SHARPIN: variants seen among roughly 807,000 people sequenced by gnomAD.
SHARPIN encodes SHANK associated RH domain interactor, also known as hSIPL1.
A neutral mutation model predicts 40.3 loss-of-function variants in SHARPIN; 25 were observed. That is an observed-to-expected ratio of 0.62 (90% CI 0.45 to 0.87). The LOEUF is 0.87. SHARPIN is among the 40% of genes least tolerant of loss of function. SHARPIN has a pLI of 0.00. For synonymous variants in SHARPIN, 274 were observed against 221.8 expected (o/e 1.24, Z -2.09); for missense variants, 551 against 516.1 (o/e 1.07, Z -0.66).
Position 144,099,429 on chromosome 8 carries a change from A to C in SHARPIN, c.770T>G (p.Val257Gly). The C allele has an allele frequency of 1.2e-6, 2 of 1,610,714 alleles. No homozygotes were observed. The highest frequency in any genetic ancestry group is 1.7e-6 in the Non-Finnish European group (2 of 1,178,192). ...HCTVAALQEQVFSELGFPPAV... is the reference protein window; with the variant it reads ...HCTVAALQEQGFSELGFPPAV... ...TGGCGGGAAACCGAGCTCTGAGAAC[A>C]CCTGTGGCCAGAGCATCAGGGCAGG... Residue 257 changes from valine to glycine, a missense_variant and splice_region_variant, in exon 6 of 9, where the codon GTG (valine) becomes GGG (glycine). By Grantham distance (109) the Val-to-Gly change is moderately radical (BLOSUM62 -3). Transcript: ENST00000398712.
chr8:144,102,982 C>T lies in SHARPIN; in HGVS notation c.376+69G>A, dbSNP rs572645076. The T allele has an allele frequency of 6.5e-5, 104 of 1,591,518 alleles. 2 individuals carry two copies. In the South Asian group the frequency reaches 1.1e-3, roughly 17 times the overall value. On this transcript the variant is annotated intron_variant, in intron 2 of 8. Coordinates refer to ENST00000398712, the MANE Select transcript of SHARPIN (RefSeq NM_030974.4). ...CCAGCAGTGGGGAAGGTGGATCCAA[C>T]TTCCCCAACCAGGACTGGGGGGCCA... is the stretch of plus-strand genomic sequence containing the variant.
intron 2 of SHARPIN, among the ~76,000 whole-genome samples, chr8:144,102,275 C>CTTTTT (rs11433813): frequency 7.3e-6 from 1 of 136,694 alleles, no homozygotes; most frequent in African/African-American, 2.7e-5. Context: ...ATTCCATCTT[C>CTTTTT]TTTTTTTTTT....
At chr8:144,101,138 G>A (rs1836279110) in intron 2 of SHARPIN, among the ~76,000 whole-genome samples, 1 of 151,962 alleles carries the variant, frequency 6.6e-6, no homozygotes, top group Admixed American at 6.6e-5. Flanking sequence ...CCCGGCCCCT[G>A]CCACCGTTTT....
intron 2 of SHARPIN, among the ~76,000 whole-genome samples, chr8:144,101,671 C>T (rs73381305): frequency 0.038 from 5,752 of 151,026 alleles, 351 homozygotes; most frequent in African/African-American, 0.13. Flanking sequence ...CCACATCGGC[C>T]TCCCAAAGTG....
intron 2 of SHARPIN, among the ~76,000 whole-genome samples, chr8:144,102,429 A>C: frequency 6.6e-6 from 1 of 152,150 alleles, no homozygotes; most frequent in South Asian, 2.1e-4. Context: ...ACACGCCACC[A>C]CGCCTGGCTA....
chr8:144,101,429 G>A (rs1288700094), intron 2 of SHARPIN, among the ~76,000 whole-genome samples: 1 of 124,350 alleles, frequency 8.0e-6, no homozygotes, highest in Non-Finnish European at 1.7e-5. Context: ...TTTTTTGTGA[G>A]ATGGAGTCTC....
intron 1 of SHARPIN, 144 bp downstream of exon 1, chr8:144,103,409 C>A: frequency 9.3e-7 from 1 of 1,074,330 alleles, no homozygotes; most frequent in East Asian, 2.6e-5. Flanking sequence ...CCGAGCGTCA[C>A]CCCCATTTCA....
At chr8:144,101,679 G>A (rs1836291004) in intron 2 of SHARPIN, among the ~76,000 whole-genome samples, 2 of 149,138 alleles carry the variant, frequency 1.3e-5, no homozygotes, top group Non-Finnish European at 3.0e-5. Context: ...GCCTCCCAAA[G>A]TGCTGTGATT....
In SHARPIN at chr8:144,103,720, C is replaced by G; in HGVS notation, c.34G>C (p.Ala12Pro). The G allele has an allele frequency of 1.4e-6, 2 of 1,391,636 alleles. No individual in the cohort carries two copies. Among genetic ancestry groups the G allele is most frequent in the South Asian group, 1.6e-5 (1 of 64,020 alleles). The allele number at this position is 1,391,636 out of a possible 1,614,324, so 86.2% of individuals were successfully genotyped here. ...APPAGGAAAAASDLGSAAVLL... is the reference protein window; with the variant it reads ...APPAGGAAAAPSDLGSAAVLL... ...ACTGCGGCGGAGCCCAAGTCCGAGG[C>G]CGCCGCCGCCGCCCCGCCCGCTGGC... Residue 12 changes from alanine to proline, a missense_variant, in exon 1 of 9, where the codon GCC (alanine) becomes CCC (proline). By Grantham distance (27) the Ala-to-Pro change is conservative. Coordinates refer to ENST00000398712, the MANE Select transcript of SHARPIN (RefSeq NM_030974.4).
chr8:144,103,712 G>C lies in SHARPIN; in HGVS notation c.42C>G (p.Asp14Glu). 2 of 1,414,444 alleles carry C rather than the reference G, an allele frequency of 1.4e-6. No individual in the cohort carries two copies. Among genetic ancestry groups the C allele is most frequent in the Non-Finnish European group, 1.8e-6 (2 of 1,090,714 alleles). 87.6% of individuals were successfully genotyped at this position (1,414,444 alleles called of 1,614,324 possible). Residue 14 changes from aspartate to glutamate, a missense_variant, in exon 1 of 9, where the codon GAC becomes GAG. Transcript: ENST00000398712. ...CCAAGAGCACTGCGGCGGAGCCCAA[G>C]TCCGAGGCCGCCGCCGCCGCCCCGC... ...PAGGAAAAAS[D>E]LGSAAVLLAV...
intron 2 of SHARPIN, among the ~76,000 whole-genome samples, chr8:144,101,204 TC>T (rs1270694225): frequency 6.6e-6 from 1 of 151,866 alleles, no homozygotes; most frequent in Non-Finnish European, 1.5e-5. Flanking sequence ...TAACAGACTT[TC>T]TTTTTTAAAA....
chr8:144,099,114 C>G lies in SHARPIN; in HGVS notation c.1014G>C (p.Gln338His). ...PPSLGLPPGP[Q>H]PAASSLPSPL... ...GACTGGGCAGGCTGGAGGCAGCTGG[C>G]TGGGGGCCTGGGGGTAGCCCCAATG... Residue 338 changes from glutamine (Q) to histidine (H), a missense_variant, in exon 7 of 9, where the codon CAG becomes CAC. Transcript: ENST00000398712. 1 of 1,583,656 alleles carries G rather than the reference C, an allele frequency of 6.3e-7. No homozygotes were observed. Among genetic ancestry groups the G allele is most frequent in the East Asian group, 2.2e-5 (1 of 44,580 alleles).
In SHARPIN at chr8:144,099,979, G is replaced by A. The variant is rs767534363; in HGVS notation, c.467C>T (p.Pro156Leu). The A allele has an allele frequency of 2.5e-6, 4 of 1,612,964 alleles. No homozygotes were observed. The highest frequency in any genetic ancestry group is 2.7e-5 in the African/African-American group (2 of 74,948). The change falls in exon 3 of 9, where the codon CCT becomes CTT. Residue 156 changes from proline to leucine, a missense_variant. Transcript: ENST00000398712. The stretch of plus-strand genomic sequence containing the variant: ...CCTAGGAAGATCTGCCTCAGGTGGA[G>A]GGCCCTTGAGTGTGGAGGCTTCCGG... ...SPPEASTLKG[P>L]PPEADLPRSP...
rs1315962784 is a variant in SHARPIN, at chr8:144,100,040, C to G, written c.406G>C (p.Gly136Arg). The change falls in exon 3 of 9, where the codon GGC becomes CGC. Residue 136 changes from glycine (G) to arginine (R), a missense_variant. Physicochemically the swap from Gly to Arg is moderately radical, Grantham distance 125 (BLOSUM62 -2). Transcript: ENST00000398712. ...AGGGAGACAGGGCATGCTTCTGGGCCCAAGGCTGGTGGTGAGTTGCTCTTG... is the reference window on the plus strand; with the variant it reads ...AGGGAGACAGGGCATGCTTCTGGGCGCAAGGCTGGTGGTGAGTTGCTCTTG... ...GSKSNSPPALGPEACPVSLPS... is the reference protein window; with the variant it reads ...GSKSNSPPALRPEACPVSLPS... 6.3e-7 allele frequency: 1 copy of G among 1,588,008 alleles called. No individual in the cohort carries two copies. The highest frequency in any genetic ancestry group is 1.3e-5 in the African/African-American group (1 of 74,102).
chr8:144,099,671 G>A (rs757437489), intron 4 of SHARPIN, 32 bp downstream of exon 4: 35 of 1,612,944 alleles, frequency 2.2e-5, no homozygotes, highest in South Asian at 8.8e-5. Flanking sequence ...ATGGTCACGA[G>A]GACAAGGTGA....
At chr8:144,099,893 T>TGGCCCCACCCCCCCCCCCCCCCCCCCCC in intron 3 of SHARPIN, 36 bp downstream of exon 3, 1 of 1,551,006 alleles carries the variant, frequency 6.4e-7, no homozygotes, top group Non-Finnish European at 8.8e-7. Context: ...CTATCTGCTA[T>TGGCCCCACCCCCCCCCCCCCCCCCCCCC]CCCCGAACCC....
rs1380542340 is a variant in SHARPIN, at chr8:144,099,556, G to A, written c.722C>T (p.Ala241Val). The A allele has an allele frequency of 1.2e-6, 2 of 1,614,078 alleles. No individual in the cohort carries two copies. Among genetic ancestry groups the A allele is most frequent in the Non-Finnish European group, 8.5e-7 (1 of 1,180,008 alleles). ...AASAASSAHVALQVHPHCTVA... is the reference protein window; with the variant it reads ...AASAASSAHVVLQVHPHCTVA... ...AGTGCAGTGGGGGTGGACCTGCAGGGCAACGTGTGCAGAGGACGCGGCGGA... is the reference window on the plus strand; with the variant it reads ...AGTGCAGTGGGGGTGGACCTGCAGGACAACGTGTGCAGAGGACGCGGCGGA... The change falls in exon 5 of 9, where the codon GCC (alanine) becomes GTC (valine). Residue 241 changes from alanine (A) to valine (V), a missense_variant. By Grantham distance (64) the Ala-to-Val change is moderately conservative (BLOSUM62 0). Coordinates refer to ENST00000398712, the MANE Select transcript of SHARPIN (RefSeq NM_030974.4).
chr8:144,099,752 C>T lies in SHARPIN; in HGVS notation c.610G>A (p.Ala204Thr). The T allele has an allele frequency of 6.2e-7, 1 of 1,613,414 alleles. No homozygotes were observed. The highest frequency in any genetic ancestry group is 8.5e-7 in the Non-Finnish European group (1 of 1,180,010). The change falls in exon 4 of 9, where the codon GCC becomes ACC. Residue 204 changes from alanine (A) to threonine (T), a missense_variant. Coordinates refer to ENST00000398712, the MANE Select transcript of SHARPIN (RefSeq NM_030974.4). ...VAAVLAQHRV[A>T]LSVQLQEACF... ...GCCTCCTGAAGCTGAACACTCAGGG[C>T]CACACGATGCTGGGCCAGGACGGCT...
Position 144,098,739 on chromosome 8 carries a change from G to T in SHARPIN, c.*62C>A. The T allele has an allele frequency of 1.6e-6, 1 of 624,696 alleles. No homozygotes were observed. 38.7% of individuals were successfully genotyped at this position (624,696 alleles called of 1,614,324 possible). A position where few individuals can be genotyped will look rare whatever the true frequency, so the allele number is the denominator to read the frequency against. ...GTAGAGGTCCCCGGAGTTCAGTGGG[G>T]GCCTGGAGATGTCGGACTTGTGAGG... is the stretch of plus-strand genomic sequence containing the variant. On this transcript the variant is annotated 3_prime_UTR_variant, in exon 9 of 9. Transcript: ENST00000398712.
Sources: allele counts gnomAD v4.1 joint callset (sites outside exome capture counted in the v4.1 genomes callset), GRCh38; gene constraint gnomAD v4.1.1; transcripts MANE v1.5; gene names NCBI Gene and HGNC (gene_info 2026-07-23, HGNC 2026-07-21).